The following TECPR2 variants were observed in gnomAD, a reference collection of about 807,000 sequenced individuals.
TECPR2 encodes tectonin beta-propeller repeat containing 2.
TECPR2 carries 65 observed loss-of-function variants against 138.1 expected under a neutral mutation model. The ratio of observed to expected loss-of-function variants is 0.47; its 90% confidence interval spans 0.39 to 0.58. The LOEUF (loss-of-function observed/expected upper bound fraction) is 0.58. Among genes scored for constraint, TECPR2 ranks in the 20% least tolerant of loss-of-function variants. The pLI is 0.00. For synonymous variants in TECPR2, 746 were observed against 749.8 expected, an observed-to-expected ratio of 0.99 and a Z score of 0.08; for missense variants, 1,553 against 1,824.5, an observed-to-expected ratio of 0.85 and a Z score of 2.71.
At chr14:102,372,729 G>T (rs911829457) in intron 1 of TECPR2, among the ~76,000 whole-genome samples, 2 of 152,170 alleles carry the variant, frequency 1.3e-5, no homozygotes, top group South Asian at 4.2e-4. Flanking sequence ...AGACCAGCAT[G>T]ATCAACATGG....
In TECPR2 at chr14:102,413,920, C is replaced by T. The variant is rs541445467; in HGVS notation, c.481-716C>T. On this transcript the variant is annotated intron_variant, in intron 4 of 19. Transcript: ENST00000359520. ...TCAAATGATCCTTCTGTCTCAGCCT[C>T]CCAAGTAGCGGGGACCATAGGCACG... 8.5e-4 allele frequency among the ~76,000 whole-genome samples: 129 copies of T among 152,030 alleles called. 1 individual carries two copies. The highest frequency in any genetic ancestry group is 2.8e-3 in the African/African-American group (118 of 41,466).
chr14:102,388,842 T>C (rs1436410510), intron 2 of TECPR2, among the ~76,000 whole-genome samples: 1 of 151,640 alleles, frequency 6.6e-6, no homozygotes, highest in Non-Finnish European at 1.5e-5. Flanking sequence ...GCACCTGTAG[T>C]CCCAGCTACT....
chr14:102,455,454 T>C (rs1890253504), intron 16 of TECPR2, among the ~76,000 whole-genome samples: 1 of 152,114 alleles, frequency 6.6e-6, no homozygotes, highest in South Asian at 2.1e-4. Context: ...TCCTCTCCTT[T>C]CTTTTTTTTC....
In TECPR2 at chr14:102,498,387, A is replaced by C. The variant is rs1364456314; in HGVS notation, c.*130A>C. 1 of 1,140,886 alleles carries C rather than the reference A, an allele frequency of 8.8e-7. No individual in the cohort carries two copies. The highest frequency in any genetic ancestry group is 2.8e-5 in the Admixed American group (1 of 35,496). 70.7% of individuals were successfully genotyped at this position (1,140,886 alleles called of 1,614,324 possible). A position where few individuals can be genotyped will look rare whatever the true frequency, so the allele number is the denominator to read the frequency against. On this transcript the variant is annotated 3_prime_UTR_variant, in exon 20 of 20. Transcript: ENST00000359520. ...ACCTCTGGCCAGGTTGGACCCGCAC[A>C]CTTACTTTCATCTATGTTGGTTTCT...
intron 17 of TECPR2, among the ~76,000 whole-genome samples, chr14:102,484,385 G>A (rs548788588): frequency 1.3e-5 from 2 of 152,244 alleles, no homozygotes; most frequent in African/African-American, 4.8e-5. Context: ...TTTCTGTCTA[G>A]TTCGCCTTTT....
At chr14:102,365,454 T>C (rs114754297) in intron 1 of TECPR2, among the ~76,000 whole-genome samples, 333 of 152,262 alleles carry the variant, frequency 2.2e-3, no homozygotes, top group African/African-American at 7.4e-3. Context: ...ATACAGGTTA[T>C]GGTGTGTGCA....
chr14:102,483,861 A>G (rs1890954971), intron 17 of TECPR2, among the ~76,000 whole-genome samples: 1 of 140,580 alleles, frequency 7.1e-6, no homozygotes, highest in Non-Finnish European at 1.5e-5. Flanking sequence ...CAGTGGCGCA[A>G]TCTGGGCTCA....
chr14:102,437,088 G>C, intron 9 of TECPR2: 1 of 985,432 alleles, frequency 1.0e-6, no homozygotes, highest in Non-Finnish European at 1.2e-6. Context: ...CGGTGTGGAA[G>C]TAAGACTTGC....
chr14:102,498,611 T>C lies in TECPR2; in HGVS notation c.*354T>C. On this transcript the variant is annotated 3_prime_UTR_variant, in exon 20 of 20. Coordinates refer to ENST00000359520, the MANE Select transcript of TECPR2 (RefSeq NM_014844.5). Reference sequence around the variant, plus strand: ...TCCGGAGGCCTCCCAGAACCAAGGGTAGCCGGGCAGCTGGTTTGGCCCAGG... The same window carrying C: ...TCCGGAGGCCTCCCAGAACCAAGGGCAGCCGGGCAGCTGGTTTGGCCCAGG... 2 of 410,988 alleles carry C rather than the reference T, an allele frequency of 4.9e-6. No homozygotes were observed. Among genetic ancestry groups the C allele is most frequent in the Non-Finnish European group, 9.2e-6 (2 of 217,060 alleles). 25.5% of individuals were successfully genotyped at this position (410,988 alleles called of 1,614,324 possible).
intron 1 of TECPR2, among the ~76,000 whole-genome samples, chr14:102,367,903 T>A (rs1887387067): frequency 6.6e-6 from 1 of 151,360 alleles, no homozygotes; most frequent in African/African-American, 2.4e-5. Flanking sequence ...GTTCATACCC[T>A]AGTGGGTATG....
At chr14:102,421,519 C>G (rs1475351481) in intron 5 of TECPR2, among the ~76,000 whole-genome samples, 1 of 152,114 alleles carries the variant, frequency 6.6e-6, no homozygotes, top group East Asian at 1.9e-4. Context: ...ATCTGTTTGC[C>G]TATGTGGGTG....
chr14:102,395,995 G>C (rs1240991804), intron 2 of TECPR2, among the ~76,000 whole-genome samples: 1 of 152,070 alleles, frequency 6.6e-6, no homozygotes, highest in Non-Finnish European at 1.5e-5. Context: ...TGTCCCTGTT[G>C]ATCAGGTGAA....
chr14:102,453,923 C>T (rs984892712), intron 16 of TECPR2, among the ~76,000 whole-genome samples: 1 of 151,514 alleles, frequency 6.6e-6, no homozygotes, highest in African/African-American at 2.4e-5. Context: ...CCAAGGAGGG[C>T]GGATCACCTG....
At chr14:102,479,706 C>T (rs1447725355) in intron 17 of TECPR2, among the ~76,000 whole-genome samples, 2 of 152,182 alleles carry the variant, frequency 1.3e-5, no homozygotes, top group East Asian at 1.9e-4. Flanking sequence ...CAGCCTGGGT[C>T]TGTAATCTCA....
At chr14:102,408,753 A>T in intron 4 of TECPR2, 134 bp downstream of exon 4, 3 of 1,019,964 alleles carry the variant, frequency 2.9e-6, no homozygotes, top group Non-Finnish European at 4.1e-6. Context: ...TATTTGTAAC[A>T]TTTACTTTTA....
chr14:102,433,088 G>A (rs982209585), intron 8 of TECPR2, among the ~76,000 whole-genome samples: 3 of 151,984 alleles, frequency 2.0e-5, no homozygotes, highest in African/African-American at 4.8e-5. Context: ...GGAAAGTTGT[G>A]GAAACCAGAA....
rs182866890 is a variant in TECPR2, at chr14:102,396,615, C to T, written c.220-10723C>T. 1.1e-3 allele frequency among the ~76,000 whole-genome samples: 172 copies of T among 152,298 alleles called. 1 individual carries two copies. The highest frequency in any genetic ancestry group is 4.0e-3 in the African/African-American group (166 of 41,566). On this transcript the variant is annotated intron_variant, in intron 2 of 19. Coordinates refer to ENST00000359520, the MANE Select transcript of TECPR2 (RefSeq NM_014844.5). The stretch of plus-strand genomic sequence containing the variant: ...TAGACATCAATTGTACTGGCAGGAT[C>T]TGTCTGATCTAACTATTTTGGAACT...
rs117086126 is a variant in TECPR2, at chr14:102,453,198, G to A, written c.3640+571G>A. 7.8e-4 allele frequency among the ~76,000 whole-genome samples: 119 copies of A among 152,246 alleles called. 4 individuals carry two copies. In the East Asian group the frequency reaches 0.018, roughly 23 times the overall value. On this transcript the variant is annotated intron_variant, in intron 16 of 19. Transcript: ENST00000359520. ...AGAAATGTAGTGCTATTTGTAGGCC[G>A]GGCGCAGTGGCTCACACTTGTCATC...
chr14:102,449,547 A>G (rs1193459152), intron 13 of TECPR2, 82 bp from the exon 14 acceptor site: 2 of 1,581,032 alleles, frequency 1.3e-6, no homozygotes, highest in Non-Finnish European at 1.7e-6. Context: ...TGTGGACCTG[A>G]GCTAGAACCT....
Sources: gnomAD v4.1 joint callset for allele counts (sites outside exome capture counted in the v4.1 genomes callset) on GRCh38, gnomAD v4.1.1 for gene constraint, MANE v1.5 for transcripts, NCBI Gene and HGNC (gene_info 2026-07-23, HGNC 2026-07-21) for gene names.